BYSL: variants seen among roughly 807,000 people sequenced by gnomAD.
BYSL encodes the protein bystin like.
Under a neutral mutation model 45.4 loss-of-function variants are expected in BYSL, and 21 were observed. The ratio of observed to expected loss-of-function variants is 0.46; its 90% CI spans 0.33 to 0.67. The LOEUF (loss-of-function observed/expected upper bound fraction) is 0.67, where lower values mean the gene tolerates loss of function less well. Among genes scored for constraint, BYSL ranks in the 30% least tolerant of loss-of-function variants. BYSL has a pLI of 0.02. For missense variants in BYSL, 522 were observed against 578.5 expected, an observed-to-expected ratio of 0.90 and a Z score of 1.00; for synonymous variants, 215 against 231.3, an observed-to-expected ratio of 0.93 and a Z score of 0.64.
At chr6:41,926,281 G>A (rs1775562269) in intron 1 of BYSL, among the ~76,000 whole-genome samples, 1 of 152,168 alleles carries the variant, frequency 6.6e-6, no homozygotes, top group South Asian at 2.1e-4. Flanking sequence ...TAGTGGTGAA[G>A]AATGCAGTCT....
At chr6:41,919,907 A>T (rs891817689), upstream of BYSL, among the ~76,000 whole-genome samples, 6 of 152,368 alleles carry the variant, frequency 3.9e-5, no homozygotes, top group African/African-American at 1.2e-4. Flanking sequence ...AATCACTGAG[A>T]AACCTGCAAG....
intron 1 of BYSL, 68 bp downstream of exon 1, chr6:41,921,898 GTGTC>G: frequency 6.6e-7 from 1 of 1,514,208 alleles, no homozygotes; most frequent in Non-Finnish European, 8.8e-7. Context: ...CAGCTAAAAA[GTGTC>G]TGGCAGGGGA....
At position 41,932,362 on chromosome 6, in the gene BYSL, G is replaced by T. The variant is rs1010135417; in HGVS notation, c.970G>T (p.Ala324Ser). The change falls in exon 7 of 7, where the codon GCG becomes TCG. Residue 324 changes from alanine to serine, a missense_variant and splice_region_variant. Transcript: ENST00000230340. The surrounding 1 kb of genome is among the most constrained non-coding windows in gnomAD (Gnocchi z 4.7). Reference sequence around the variant, plus strand: ...TACCCCACCTCCCTTTCCCACTAGTGCGGCCATGCTGAAAATTGCTGAGAT... The same window carrying T: ...TACCCCACCTCCCTTTCCCACTAGTTCGGCCATGCTGAAAATTGCTGAGAT... The part of the protein sequence containing the change: ...KCSIPVLHSS[A>S]AMLKIAEMEY... 5.0e-5 allele frequency: 80 copies of T among 1,607,522 alleles called. No individual in the cohort carries two copies. The highest frequency in any genetic ancestry group is 6.2e-5 in the Non-Finnish European group (73 of 1,178,818).
At chr6:41,911,106 C>CAAA in the BYSL span, among the ~76,000 whole-genome samples, 1 of 111,828 alleles carries the variant, frequency 8.9e-6, no homozygotes, top group Admixed American at 9.3e-5. Flanking sequence ...GACTCCATCT[C>CAAA]AAAAAAAAAA....
chr6:41,912,627 G>A, the BYSL span, among the ~76,000 whole-genome samples: 1 of 151,996 alleles, frequency 6.6e-6, no homozygotes, highest in Non-Finnish European at 1.5e-5. Flanking sequence ...AAAATGCTGG[G>A]ATTCCAGGCA....
chr6:41,923,169 T>C (rs1031118607), intron 1 of BYSL, among the ~76,000 whole-genome samples: 1 of 151,738 alleles, frequency 6.6e-6, no homozygotes, highest in African/African-American at 2.4e-5. Flanking sequence ...AGAGTCTCTC[T>C]CTCTCTCTGT....
chr6:41,912,902 G>GT, the BYSL span: 1 of 152,090 alleles, frequency 6.6e-6, no homozygotes, highest in Admixed American at 6.6e-5. Flanking sequence ...GAGCCCAGGA[G>GT]TTTGAGACCA....
intron 1 of BYSL, among the ~76,000 whole-genome samples, chr6:41,924,443 G>C (rs1203171958): frequency 6.6e-6 from 1 of 152,166 alleles, no homozygotes; most frequent in Non-Finnish European, 1.5e-5. Flanking sequence ...AGACAGGATT[G>C]GGTGCGTTCA....
At chr6:41,909,120 G>T in the BYSL span, 1 of 1,062,098 alleles carries the variant, frequency 9.4e-7, no homozygotes, top group Non-Finnish European at 1.4e-6. Context: ...GCTACAGTGT[G>T]CCAAGATTGT....
At chr6:41,919,304 C>T (rs1318515033), upstream of BYSL, among the ~76,000 whole-genome samples, 2 of 151,992 alleles carry the variant, frequency 1.3e-5, no homozygotes, top group East Asian at 3.8e-4. Context: ...GGATGTAGTG[C>T]CTGTTAAAAC....
intron 2 of BYSL, among the ~76,000 whole-genome samples, chr6:41,929,924 G>A (rs1775613566): frequency 1.3e-5 from 2 of 152,228 alleles, no homozygotes; most frequent in African/African-American, 4.8e-5. Flanking sequence ...GTCCTAAATG[G>A]AATGACTTTC....
chr6:41,919,256 G>A (rs1053631433), upstream of BYSL, among the ~76,000 whole-genome samples: 24 of 152,056 alleles, frequency 1.6e-4, no homozygotes, highest in Non-Finnish European at 2.4e-4. Context: ...CTGGCTTGAT[G>A]TCCATGCTCT....
intron 1 of BYSL, among the ~76,000 whole-genome samples, chr6:41,922,254 A>G (rs1266372166): frequency 6.6e-6 from 1 of 152,234 alleles, no homozygotes; most frequent in Non-Finnish European, 1.5e-5. Flanking sequence ...TATTTCCATG[A>G]TAAAGTATCG....
At chr6:41,918,640 C>T (rs1318305690), upstream of BYSL, among the ~76,000 whole-genome samples, 4 of 150,434 alleles carry the variant, frequency 2.7e-5, no homozygotes, top group Non-Finnish European at 4.4e-5. Flanking sequence ...GGTGAAACCC[C>T]GTCTCTACCA....
rs77289717 is a variant in BYSL at position 41,925,044 on chromosome 6, G to A, written c.269-2330G>A. 9.8e-3 allele frequency among the ~76,000 whole-genome samples: 1,492 copies of A among 152,222 alleles called. 20 individuals are homozygous for A. Among genetic ancestry groups the A allele is most frequent in the African/African-American group, 0.034 (1,432 of 41,512 alleles). Reference sequence around the variant, plus strand: ...ATGGTTAGCAGTGTAGACCTAGGAGGGAAAGAAAATTAGTTTAGTTGATAA... The same window carrying A: ...ATGGTTAGCAGTGTAGACCTAGGAGAGAAAGAAAATTAGTTTAGTTGATAA... On this transcript the variant is annotated intron_variant, in intron 1 of 6. Transcript: ENST00000230340.
chr6:41,921,404 TG>T, upstream of BYSL: 1 of 1,027,608 alleles, frequency 9.7e-7, no homozygotes, highest in Non-Finnish European at 1.4e-6. Flanking sequence ...GCTCTTTTAG[TG>T]GGAGGGGCGG....
chr6:41,927,280 G>A (rs1775576448), intron 1 of BYSL, 94 bp from the exon 2 acceptor site: 1 of 1,456,560 alleles, frequency 6.9e-7, no homozygotes, highest in African/African-American at 1.4e-5. Context: ...ACAACCACAT[G>A]TGAGGCCTGT....
the BYSL span, among the ~76,000 whole-genome samples, chr6:41,911,191 C>T: frequency 6.6e-6 from 1 of 150,642 alleles, no homozygotes; most frequent in South Asian, 2.1e-4. Context: ...CACTCTGTCG[C>T]CCAGGCTGTA....
In BYSL at chr6:41,921,754, G is replaced by A; in HGVS notation, c.192G>A (p.Gln64=). 6.2e-7 allele frequency: 1 copy of A among 1,613,564 alleles called. No homozygotes were observed. The highest frequency in any genetic ancestry group is 8.5e-7 in the Non-Finnish European group (1 of 1,179,898). ...GACGGATTTTGCAGCAAGCACGGCA[G>A]CAACAGGAGGAACTCGAGGCCGAGC... is the stretch of plus-strand genomic sequence containing the variant. The part of the protein sequence containing the change: ...LSRRILQQAR[Q]QQEELEAEHG... Residue 64 remains glutamine, a synonymous_variant, in exon 1 of 7, where the codon CAG becomes CAA. Transcript: ENST00000230340.
Sources: gnomAD v4.1 joint callset for allele counts (sites outside exome capture counted in the v4.1 genomes callset) on GRCh38, gnomAD v4.1.1 for gene constraint, Gnocchi (gnomAD v3.1) non-coding constraint, MANE v1.5 for transcripts, NCBI Gene and HGNC (gene_info 2026-07-23, HGNC 2026-07-21) for gene names.